TCF20: variants seen among roughly 807,000 people sequenced by gnomAD.
TCF20 encodes the protein SPRE-binding protein.
TCF20 carries 3 observed loss-of-function variants against 148.6 expected under a neutral mutation model. The observed-to-expected ratio is 0.02, with a 90% confidence interval of 0.01 to 0.05. The LOEUF is 0.05. TCF20 is among the 10% of genes least tolerant of loss of function. The pLI is 1.00. For missense variants in TCF20, 2,350 were observed against 2,429.3 expected, an observed-to-expected ratio of 0.97 and a Z score of 0.69; for synonymous variants, 1,049 against 909.5, an observed-to-expected ratio of 1.15 and a Z score of -2.76.
chr22:42,176,421 G>A (rs2147082695), intron 3 of TCF20, among the ~76,000 whole-genome samples: 1 of 152,300 alleles, frequency 6.6e-6, no homozygotes, highest in South Asian at 2.1e-4. Context: ...CAAGTCTGTT[G>A]GCCCTGCTCT....
At chr22:42,298,926 G>A (rs1927282651) in intron 1 of TCF20, among the ~76,000 whole-genome samples, 2 of 152,212 alleles carry the variant, frequency 1.3e-5, no homozygotes, top group African/African-American at 2.4e-5. Flanking sequence ...GGGGGAGGAC[G>A]AGAGGGCCCA....
At chr22:42,310,472 T>A (rs1434250508) in intron 1 of TCF20, among the ~76,000 whole-genome samples, 1 of 150,322 alleles carries the variant, frequency 6.7e-6, no homozygotes, top group Non-Finnish European at 1.5e-5. Context: ...TAAGAGACTG[T>A]CGACAATAAC....
At chr22:42,190,190 G>A (rs767128092) in intron 2 of TCF20, among the ~76,000 whole-genome samples, 1 of 152,188 alleles carries the variant, frequency 6.6e-6, no homozygotes, top group Non-Finnish European at 1.5e-5. Context: ...CAAGTAAGGT[G>A]GCCCATGTCT....
chr22:42,281,700 C>A (rs116181692), intron 1 of TCF20, among the ~76,000 whole-genome samples: 2,797 of 152,336 alleles, frequency 0.018, 94 homozygotes, highest in African/African-American at 0.064. Context: ...GGGGAAAAAA[C>A]CCCTTGGGGT....
Position 42,211,023 on chromosome 22 carries a change from T to C in TCF20, c.4283A>G (p.Lys1428Arg), listed in dbSNP as rs762290473. ...SPANQELHVEKPLPRSSEEWR... is the reference protein window; with the variant it reads ...SPANQELHVERPLPRSSEEWR... ...CTCTTCTGAAGACCTTGGAAGAGGT[T>C]TCTCTACGTGCAACTCCTGGTTTGC... The change falls in exon 2 of 6, where the codon AAA (lysine) becomes AGA (arginine). Residue 1428 changes from lysine to arginine, a missense_variant. By Grantham distance (26) the Lys-to-Arg change is conservative (BLOSUM62 2). Coordinates refer to ENST00000677622, the MANE Select transcript of TCF20 (RefSeq NM_001378418.1). 1 of 1,614,156 alleles carries C rather than the reference T, an allele frequency of 6.2e-7. No individual in the cohort carries two copies. Among genetic ancestry groups the C allele is most frequent in the Non-Finnish European group, 8.5e-7 (1 of 1,180,026 alleles).
At position 42,220,522 on chromosome 22, in the gene TCF20, T is replaced by C. The variant is rs192092341; in HGVS notation, c.-36-5181A>G. 3.3e-5 allele frequency among the ~76,000 whole-genome samples: 5 copies of C among 152,348 alleles called. No homozygotes were observed. In the East Asian group the frequency reaches 7.7e-4, roughly 24 times the overall value. On this transcript the variant is annotated intron_variant, in intron 1 of 5. Coordinates refer to ENST00000677622, the MANE Select transcript of TCF20 (RefSeq NM_001378418.1). ...ATTTTTTCATCCTCTGTCATGATTT[T>C]CTGCTTATTCTCCTTCTTTGCCTTT... is the stretch of plus-strand genomic sequence containing the variant.
upstream of TCF20, among the ~76,000 whole-genome samples, chr22:42,287,239 G>A (rs544475661): frequency 6.6e-6 from 1 of 152,292 alleles, no homozygotes; most frequent in South Asian, 2.1e-4. Flanking sequence ...GAGGGCTCAG[G>A]GAGCACCACG....
At chr22:42,168,016 C>T (rs1935895237) in intron 5 of TCF20, among the ~76,000 whole-genome samples, 1 of 151,970 alleles carries the variant, frequency 6.6e-6, no homozygotes, top group Non-Finnish European at 1.5e-5. Flanking sequence ...TATGAGCCAC[C>T]ATGCCCAGCC....
intron 1 of TCF20, among the ~76,000 whole-genome samples, chr22:42,300,874 A>C: frequency 6.6e-6 from 1 of 151,174 alleles, no homozygotes; most frequent in Non-Finnish European, 1.5e-5. Flanking sequence ...CCCGAGCCCC[A>C]CCTGCAGAAT....
At chr22:42,219,459 T>G in intron 1 of TCF20, among the ~76,000 whole-genome samples, 1 of 150,848 alleles carries the variant, frequency 6.6e-6, no homozygotes, top group East Asian at 1.9e-4. Flanking sequence ...GCACTGTGAT[T>G]AGTAATAATA....
intron 1 of TCF20, among the ~76,000 whole-genome samples, chr22:42,343,083 A>G (rs376186808): frequency 6.6e-6 from 1 of 152,184 alleles, no homozygotes; most frequent in African/African-American, 2.4e-5. Context: ...CTTTTCTACA[A>G]TGAAATATTC....
chr22:42,246,654 G>A (rs1382623642), intron 1 of TCF20, among the ~76,000 whole-genome samples: 1 of 152,204 alleles, frequency 6.6e-6, no homozygotes, highest in Non-Finnish European at 1.5e-5. Flanking sequence ...ACTGGGGAAG[G>A]AGGGCAAGAA....
chr22:42,335,686 G>C (rs1468485040), intron 1 of TCF20, among the ~76,000 whole-genome samples: 2 of 152,174 alleles, frequency 1.3e-5, no homozygotes, highest in African/African-American at 4.8e-5. Flanking sequence ...AGACCTGAGG[G>C]CAAGAAAGAA....
intron 1 of TCF20, among the ~76,000 whole-genome samples, chr22:42,281,357 G>A (rs536766864): frequency 1.3e-4 from 20 of 152,254 alleles, no homozygotes; most frequent in African/African-American, 4.3e-4. Context: ...CAATGACTGC[G>A]GTGTCCATGT....
At chr22:42,247,795 C>T (rs1039570871) in intron 1 of TCF20, among the ~76,000 whole-genome samples, 1 of 149,412 alleles carries the variant, frequency 6.7e-6, no homozygotes, top group Admixed American at 6.6e-5. Context: ...TAAACCACTA[C>T]CAATCTCTAC....
intron 1 of TCF20, among the ~76,000 whole-genome samples, chr22:42,329,689 A>C (rs5758711): frequency 0.43 from 65,312 of 152,138 alleles, 14,652 homozygotes; most frequent in East Asian, 0.66. Flanking sequence ...AGGGTGGCCT[A>C]GCCACAGACG....
chr22:42,179,375 G>GAA (rs537303519), intron 3 of TCF20, among the ~76,000 whole-genome samples: 1 of 146,724 alleles, frequency 6.8e-6, no homozygotes, highest in African/African-American at 2.5e-5. Flanking sequence ...AGCTTAAAGG[G>GAA]AAAAAAAAAT....
rs572206835 is a variant in TCF20, at chr22:42,336,379, C to T, written c.-37+7100G>A. On this transcript the variant is annotated intron_variant, in intron 1 of 1. Coordinates refer to the TCF20 transcript ENST00000515426. ...CCTTGGATGACCTCAGCTCTGGATG[C>T]CCCCGGAGCACTCCAGCCAGAGGTT... Among the ~76,000 whole-genome samples the T allele has an allele frequency of 9.3e-4, 141 of 152,086 alleles. 2 individuals are homozygous for T. Among genetic ancestry groups the T allele is most frequent in the Non-Finnish European group, 4.6e-4 (31 of 67,956 alleles).
At chr22:42,288,739 A>C (rs1445011027), upstream of TCF20, among the ~76,000 whole-genome samples, 5 of 146,150 alleles carry the variant, frequency 3.4e-5, no homozygotes, top group Non-Finnish European at 7.5e-5. Flanking sequence ...AAAAAAAAAA[A>C]AAAAAAAGAC....
Sources: allele counts gnomAD v4.1 joint callset (sites outside exome capture counted in the v4.1 genomes callset), GRCh38; gene constraint gnomAD v4.1.1; transcripts MANE v1.5; gene names NCBI Gene and HGNC (gene_info 2026-07-23, HGNC 2026-07-21).